The following ZFP1 variants were observed in gnomAD, a reference collection of about 807,000 sequenced individuals.
ZFP1 encodes zinc finger protein 1 homolog.
A neutral mutation model predicts 38.5 loss-of-function variants in ZFP1; 32 were observed. The observed-to-expected ratio is 0.83, with a 90% CI of 0.63 to 1.12. The LOEUF (loss-of-function observed/expected upper bound fraction) is 1.12, where lower values mean the gene tolerates loss of function less well. Ranked by LOEUF, ZFP1 falls within the 50% of genes most tolerant of loss-of-function variation. ZFP1 has a pLI of 0.00. For synonymous variants in ZFP1, 245 were observed against 168.8 expected, an observed-to-expected ratio of 1.45 and a Z score of -3.50; for missense variants, 616 against 480.8, an observed-to-expected ratio of 1.28 and a Z score of -2.63.
the ZFP1 span, among the ~76,000 whole-genome samples, chr16:75,129,550 C>G: frequency 6.6e-6 from 1 of 152,274 alleles, no homozygotes; most frequent in East Asian, 1.9e-4. Context: ...ATAAGAACCT[C>G]AAAAGAATGC....
chr16:75,124,868 T>TC, the ZFP1 span, among the ~76,000 whole-genome samples: 1 of 150,638 alleles, frequency 6.6e-6, no homozygotes, highest in South Asian at 2.1e-4. Flanking sequence ...AAGAGGTTTT[T>TC]TTTTTTTTTT....
the ZFP1 span, among the ~76,000 whole-genome samples, chr16:75,138,839 G>A: frequency 6.6e-6 from 1 of 152,198 alleles, no homozygotes; most frequent in African/African-American, 2.4e-5. Flanking sequence ...CCGTTCTCCA[G>A]AACTGTGAAA....
chr16:75,139,413 C>T, the ZFP1 span, among the ~76,000 whole-genome samples: 8 of 142,904 alleles, frequency 5.6e-5, no homozygotes, highest in South Asian at 4.5e-4. Context: ...CAGAGCCAGT[C>T]GGGCCTGGGG....
intron 1 of ZFP1, 147 bp from the exon 2 acceptor site, chr16:75,152,762 T>C: frequency 1.6e-6 from 1 of 621,326 alleles, no homozygotes; most frequent in Non-Finnish European, 2.8e-6. Context: ...TATGATCTTT[T>C]CTGCCCCTTC....
At chr16:75,140,820 G>A in the ZFP1 span, among the ~76,000 whole-genome samples, 4 of 152,186 alleles carry the variant, frequency 2.6e-5, no homozygotes, top group East Asian at 5.8e-4. Flanking sequence ...TTAGCCGGGC[G>A]TGGTGTTGGG....
intron 1 of ZFP1, chr16:75,149,045 C>G (rs928867217): frequency 2.6e-5 from 4 of 151,594 alleles, no homozygotes; most frequent in African/African-American, 9.7e-5. Flanking sequence ...CCCCGATGCC[C>G]GGTGCCTCGT....
the ZFP1 span, among the ~76,000 whole-genome samples, chr16:75,138,061 G>A: frequency 3.0e-5 from 3 of 100,706 alleles, no homozygotes; most frequent in Non-Finnish European, 3.6e-5. Context: ...TTTTTGAGAC[G>A]GAGTCTCACT....
intron 1 of ZFP1, 22 bp from the exon 2 acceptor site, chr16:75,152,887 C>G (rs374602569): frequency 1.2e-6 from 2 of 1,606,146 alleles, no homozygotes. Context: ...ATAACAATGC[C>G]TTCCTTTTTC....
intron 3 of ZFP1, among the ~76,000 whole-genome samples, chr16:75,167,285 T>A (rs936576056): frequency 1.3e-5 from 2 of 152,204 alleles, no homozygotes; most frequent in African/African-American, 2.4e-5. Context: ...TTTGAAATAC[T>A]TTTCAGCAAT....
At chr16:75,135,316 A>T in the ZFP1 span, among the ~76,000 whole-genome samples, 1 of 148,638 alleles carries the variant, frequency 6.7e-6, no homozygotes, top group African/African-American at 2.5e-5. Flanking sequence ...CTATCAAGTC[A>T]CAAAAAGACA....
chr16:75,152,861 G>T, intron 1 of ZFP1, 48 bp from the exon 2 acceptor site: 1 of 1,546,494 alleles, frequency 6.5e-7, no homozygotes, highest in South Asian at 1.2e-5. Flanking sequence ...GAGTTGTAAG[G>T]CAGGTCAGAC....
chr16:75,128,637 C>A, the ZFP1 span, among the ~76,000 whole-genome samples: 1 of 152,230 alleles, frequency 6.6e-6, no homozygotes, highest in African/African-American at 2.4e-5. Flanking sequence ...TCAAATTTTT[C>A]CTTCTTTTTT....
chr16:75,148,937 C>T (rs531362154), intron 1 of ZFP1: 9 of 151,992 alleles, frequency 5.9e-5, no homozygotes, highest in Admixed American at 3.3e-4. Flanking sequence ...GGGCTCGGGC[C>T]GCGCGGGAGC....
At chr16:75,159,073 T>A (rs911956737) in intron 2 of ZFP1, among the ~76,000 whole-genome samples, 3 of 152,024 alleles carry the variant, frequency 2.0e-5, no homozygotes, top group Non-Finnish European at 4.4e-5. Flanking sequence ...ATTTTTGTAT[T>A]TTTTGTAGAC....
the ZFP1 span, among the ~76,000 whole-genome samples, chr16:75,131,289 G>A: frequency 6.6e-6 from 1 of 152,128 alleles, no homozygotes; most frequent in South Asian, 2.1e-4. Context: ...AAGCCAGGGA[G>A]GCTTCCCGGA....
chr16:75,145,776 T>C (rs571811256), upstream of ZFP1, among the ~76,000 whole-genome samples: 2 of 150,224 alleles, frequency 1.3e-5, no homozygotes, highest in South Asian at 4.2e-4. Context: ...CCTCCCTCAC[T>C]CAATAAAACC....
the ZFP1 span, among the ~76,000 whole-genome samples, chr16:75,125,552 G>C: frequency 1.2e-4 from 19 of 152,086 alleles, no homozygotes; most frequent in Non-Finnish European, 2.4e-4. Context: ...TTGAACACCT[G>C]ACCTCAAGTG....
intron 2 of ZFP1, among the ~76,000 whole-genome samples, chr16:75,165,758 G>T (rs1255371486): frequency 6.6e-6 from 1 of 151,818 alleles, no homozygotes; most frequent in Non-Finnish European, 1.5e-5. Flanking sequence ...TGGGGTTGCT[G>T]GTTTTAAAAC....
At chr16:75,162,942 C>G (rs536772075) in intron 2 of ZFP1, among the ~76,000 whole-genome samples, 2 of 147,836 alleles carry the variant, frequency 1.4e-5, no homozygotes, top group African/African-American at 2.5e-5. Context: ...AACAGTCTTG[C>G]TCTGTTGCCC....
Sources: gnomAD v4.1 joint callset for allele counts (sites outside exome capture counted in the v4.1 genomes callset) on GRCh38, gnomAD v4.1.1 for gene constraint, MANE v1.5 for transcripts, NCBI Gene and HGNC (gene_info 2026-07-23, HGNC 2026-07-21) for gene names.